MARCHF1: variants seen among roughly 807,000 people sequenced by gnomAD.
MARCHF1 encodes the protein membrane associated ring-CH-type finger 1.
In MARCHF1, 40 loss-of-function variants were observed where a neutral mutation model predicts 54.2. That is an observed-to-expected ratio of 0.74 (90% confidence interval 0.57 to 0.96). The LOEUF is 0.96. Among genes scored for constraint, MARCHF1 ranks in the 40% least tolerant of loss-of-function variants. The pLI is 0.00. For synonymous variants in MARCHF1, 236 were observed against 236.3 expected (o/e 1.00, Z 0.01); for missense variants, 586 against 656.5 (o/e 0.89, Z 1.17).
rs1735029321 is a variant in MARCHF1, at chr4:164,317,485, C to T, written c.-323+66385G>A. Among the ~76,000 whole-genome samples, 6 of 152,240 alleles carry T rather than the reference C, an allele frequency of 3.9e-5. 1 individual carries two copies. In the South Asian group the frequency reaches 1.2e-3, roughly 32 times the overall value. ...CTGGTGCCTACACATACAACTGTAT[C>T]ATCGCATCCACTACCTAAGCAAGAG... On this transcript the variant is annotated intron_variant, in intron 1 of 9. Coordinates refer to ENST00000514618, the MANE Select transcript of MARCHF1 (RefSeq NM_001394959.1).
chr4:163,907,634 C>A (rs116780678), intron 3 of MARCHF1, among the ~76,000 whole-genome samples: 5 of 152,056 alleles, frequency 3.3e-5, no homozygotes, highest in East Asian at 3.9e-4. Flanking sequence ...AATAATCATG[C>A]GTGAGAAAAT....
intron 1 of MARCHF1, among the ~76,000 whole-genome samples, chr4:164,222,324 G>C (rs1381139641): frequency 6.6e-6 from 1 of 150,572 alleles, no homozygotes; most frequent in Non-Finnish European, 1.5e-5. Flanking sequence ...TTATGTTTTA[G>C]GCATATAAGG....
chr4:163,721,503 G>A (rs1225367259), intron 4 of MARCHF1, among the ~76,000 whole-genome samples: 6 of 152,028 alleles, frequency 3.9e-5, no homozygotes, highest in Admixed American at 3.9e-4. Context: ...TTTTTGTTGT[G>A]TCTCTGCCAG....
intron 4 of MARCHF1, among the ~76,000 whole-genome samples, chr4:163,793,447 C>T (rs1417560225): frequency 6.6e-6 from 1 of 152,124 alleles, no homozygotes; most frequent in African/African-American, 2.4e-5. Flanking sequence ...CTTACCCTCC[C>T]TTGAAACACT....
chr4:163,954,775 G>A (rs536941608), intron 3 of MARCHF1, among the ~76,000 whole-genome samples: 1 of 152,254 alleles, frequency 6.6e-6, no homozygotes, highest in Non-Finnish European at 1.5e-5. Context: ...CAGTGGCAAT[G>A]TCTAAATAAA....
intron 2 of MARCHF1, among the ~76,000 whole-genome samples, chr4:163,991,090 T>G (rs187822428): frequency 6.7e-4 from 102 of 152,306 alleles, no homozygotes; most frequent in African/African-American, 2.4e-3. Flanking sequence ...TCAATTAGCT[T>G]TCTTTTATCC....
intron 2 of MARCHF1, among the ~76,000 whole-genome samples, chr4:164,099,087 C>T (rs1038498244): frequency 2.0e-5 from 3 of 152,144 alleles, no homozygotes; most frequent in Admixed American, 1.3e-4. Flanking sequence ...TGTTTTGATT[C>T]ACAATCTTTG....
At chr4:163,904,637 T>C (rs1471735919) in intron 3 of MARCHF1, among the ~76,000 whole-genome samples, 2 of 152,182 alleles carry the variant, frequency 1.3e-5, no homozygotes, top group African/African-American at 4.8e-5. Flanking sequence ...TGTTATCAAG[T>C]AGCAAGCCTC....
intron 9 of MARCHF1, among the ~76,000 whole-genome samples, chr4:163,537,920 T>G (rs960346734): frequency 6.6e-6 from 1 of 152,208 alleles, no homozygotes; most frequent in African/African-American, 2.4e-5. Context: ...ATCTGGTACT[T>G]GCAGGCTGCA....
chr4:163,720,796 A>C (rs1304571130), intron 4 of MARCHF1, among the ~76,000 whole-genome samples: 1 of 152,190 alleles, frequency 6.6e-6, no homozygotes, highest in Non-Finnish European at 1.5e-5. Context: ...AGCAATTGTG[A>C]ATGGGAGTTC....
chr4:164,327,915 T>C (rs764461125), intron 1 of MARCHF1, among the ~76,000 whole-genome samples: 9 of 152,210 alleles, frequency 5.9e-5, no homozygotes, highest in Non-Finnish European at 7.3e-5. Context: ...GTATGTCATA[T>C]GTGGGTTGTC....
At chr4:163,579,946 A>G (rs901888817) in intron 8 of MARCHF1, among the ~76,000 whole-genome samples, 1 of 152,178 alleles carries the variant, frequency 6.6e-6, no homozygotes, top group Non-Finnish European at 1.5e-5. Flanking sequence ...AAAGAATGCC[A>G]AAGAGAACTC....
intron 4 of MARCHF1, among the ~76,000 whole-genome samples, chr4:163,704,292 C>A (rs1744889998): frequency 6.6e-6 from 1 of 151,144 alleles, no homozygotes; most frequent in South Asian, 2.1e-4. Context: ...TTTAAGTAGA[C>A]AATAGAGCAG....
intron 2 of MARCHF1, among the ~76,000 whole-genome samples, chr4:164,031,232 G>T (rs1425771884): frequency 1.3e-5 from 2 of 152,080 alleles, no homozygotes; most frequent in Non-Finnish European, 2.9e-5. Context: ...GATGGTATAT[G>T]TGTCCAGAAA....
chr4:164,199,663 CACACACACACACACACACAG>C (rs1396705167), intron 1 of MARCHF1, among the ~76,000 whole-genome samples: 226 of 84,996 alleles, frequency 2.7e-3, no homozygotes, highest in African/African-American at 5.3e-3. Context: ...CACACACACA[CACACACACACACACACACAG>C]AGAGAGAGAG....
chr4:163,825,658 T>A (rs144608827), intron 4 of MARCHF1, among the ~76,000 whole-genome samples: 2 of 152,172 alleles, frequency 1.3e-5, no homozygotes, highest in East Asian at 3.9e-4. Context: ...AGATGGTATC[T>A]CATTATGGTT....
intron 1 of MARCHF1, among the ~76,000 whole-genome samples, chr4:164,272,857 CAATA>C (rs1211261146): frequency 6.6e-6 from 1 of 151,216 alleles, no homozygotes; most frequent in African/African-American, 2.4e-5. Context: ...AAATAACATA[CAATA>C]AAGAAATAGA....
At chr4:164,242,246 G>C (rs1246685020) in intron 1 of MARCHF1, among the ~76,000 whole-genome samples, 63 of 143,118 alleles carry the variant, frequency 4.4e-4, no homozygotes, top group African/African-American at 7.6e-4. Context: ...GCTTTGAAGA[G>C]AGCAGTGGTT....
intron 5 of MARCHF1, among the ~76,000 whole-genome samples, chr4:163,629,499 A>C (rs1305177011): frequency 6.6e-6 from 1 of 152,222 alleles, no homozygotes; most frequent in Non-Finnish European, 1.5e-5. Flanking sequence ...AGGTATGGGC[A>C]AAGACTTCAT....
Sources: gnomAD v4.1 joint callset for allele counts (sites outside exome capture counted in the v4.1 genomes callset) on GRCh38, gnomAD v4.1.1 for gene constraint, MANE v1.5 for transcripts, NCBI Gene and HGNC (gene_info 2026-07-23, HGNC 2026-07-21) for gene names.